PLB1: variants seen among roughly 807,000 people sequenced by gnomAD.
The protein encoded by PLB1 is phospholipase B1.
In PLB1, 242 loss-of-function variants were observed where a neutral mutation model predicts 227.4. That is an observed-to-expected ratio of 1.06 (90% CI 0.96 to 1.18). The LOEUF (loss-of-function observed/expected upper bound fraction) is 1.18. Among genes scored for constraint, PLB1 ranks in the 50% most tolerant of loss-of-function variants. The pLI, the probability that PLB1 is intolerant of heterozygous loss-of-function variation, is 0.00. For missense variants in PLB1, 1,858 were observed against 1,816.3 expected (o/e 1.02, Z -0.42); for synonymous variants, 757 against 682.2 (o/e 1.11, Z -1.71).
At chr2:28,625,823 T>C (rs532083920) in intron 50 of PLB1, among the ~76,000 whole-genome samples, 4 of 152,114 alleles carry the variant, frequency 2.6e-5, no homozygotes, top group African/African-American at 9.6e-5. Context: ...ATCCACATTC[T>C]ACTTCTCCAG....
At chr2:28,542,459 T>A (rs567592767) in intron 13 of PLB1, among the ~76,000 whole-genome samples, 1 of 152,120 alleles carries the variant, frequency 6.6e-6, no homozygotes, top group South Asian at 2.1e-4. Flanking sequence ...TCAGGGCCAT[T>A]TAGTAACATG....
Position 28,553,700 on chromosome 2 carries a change from G to C in PLB1, c.1147+709G>C, listed in dbSNP as rs148098299. Reference sequence around the variant, plus strand: ...TAGATTCCCATGCTTGGTCCTAAAGGGGGGGGACTCACGTGTCCATTTATT... The same window carrying C: ...TAGATTCCCATGCTTGGTCCTAAAGCGGGGGGACTCACGTGTCCATTTATT... On this transcript the variant is annotated intron_variant, in intron 17 of 57. Coordinates refer to ENST00000327757, the MANE Select transcript of PLB1 (RefSeq NM_153021.5). Among the ~76,000 whole-genome samples, 1,125 of 152,198 alleles carry C rather than the reference G, an allele frequency of 7.4e-3. 9 individuals carry two copies. The highest frequency in any genetic ancestry group is 0.01 in the Non-Finnish European group (705 of 68,010).
chr2:28,642,871 T>G lies in PLB1; in HGVS notation c.4187T>G (p.Leu1396Arg). ...LKCPSPESPY[L>R]YTLRNSRLLP... Reference sequence around the variant, plus strand: ...CCTCCTCCACAGGAGAGCCCTTACCTCTACACCCTGCGGAACAGCCGATTG... The same window carrying G: ...CCTCCTCCACAGGAGAGCCCTTACCGCTACACCCTGCGGAACAGCCGATTG... Residue 1396 changes from leucine to arginine, a missense_variant, in exon 58 of 58, where the codon CTC becomes CGC. By Grantham distance (102) the Leu-to-Arg change is moderately radical (BLOSUM62 -2). Coordinates refer to ENST00000327757, the MANE Select transcript of PLB1 (RefSeq NM_153021.5). 1 of 1,601,616 alleles carries G rather than the reference T, an allele frequency of 6.2e-7. No homozygotes were observed.
intron 2 of PLB1, among the ~76,000 whole-genome samples, chr2:28,518,043 T>A (rs770819823): frequency 1.3e-5 from 2 of 152,078 alleles, no homozygotes; most frequent in East Asian, 1.9e-4. Flanking sequence ...ATTTCTGTAT[T>A]TTTGTATTTC....
At chr2:28,541,951 G>A (rs544562401) in intron 13 of PLB1, 140 bp downstream of exon 13, 16 of 662,956 alleles carry the variant, frequency 2.4e-5, no homozygotes, top group Middle Eastern at 2.7e-4. Context: ...CAGCCAACAT[G>A]GTGAAACCCT....
At chr2:28,588,892 G>A (rs764512854) in intron 26 of PLB1, among the ~76,000 whole-genome samples, 2 of 152,154 alleles carry the variant, frequency 1.3e-5, no homozygotes, top group African/African-American at 2.4e-5. Flanking sequence ...CTGGCCAGGC[G>A]CGGTGGCTCG....
chr2:28,516,934 T>C (rs529119937), intron 2 of PLB1, 65 bp downstream of exon 2: 2 of 1,519,350 alleles, frequency 1.3e-6, no homozygotes, highest in East Asian at 4.5e-5. Context: ...TTCCTTGTAG[T>C]GGGTAAACCC....
At chr2:28,547,168 T>G (rs1328807613) in intron 14 of PLB1, among the ~76,000 whole-genome samples, 1 of 126,678 alleles carries the variant, frequency 7.9e-6, no homozygotes, top group African/African-American at 3.1e-5. Context: ...ACCACTGCAC[T>G]CCAATCTGAG....
chr2:28,540,414 C>A lies in PLB1; in HGVS notation c.747C>A (p.Ala249=), dbSNP rs780581164. The change falls in exon 12 of 58, where the codon GCC becomes GCA. Residue 249 remains alanine, a synonymous_variant. Transcript: ENST00000327757. ...GCTCAGAGGAGACCACCCGGCTGGC[C>A]AAGGTGGTGATGCAGTGGTCTTATC... ...CNCSEETTRL[A]KVVMQWSYQE... 1 of 1,614,052 alleles carries A rather than the reference C, an allele frequency of 6.2e-7. No individual in the cohort carries two copies. The highest frequency in any genetic ancestry group is 8.5e-7 in the Non-Finnish European group (1 of 1,180,016).
chr2:28,633,211 AT>A, intron 56 of PLB1, 172 bp downstream of exon 56: 1 of 588,062 alleles, frequency 1.7e-6, no homozygotes, highest in East Asian at 2.9e-5. Flanking sequence ...AATACCCTAT[AT>A]TTATCCAACA....
chr2:28,627,406 G>T (rs1687949795), intron 51 of PLB1, among the ~76,000 whole-genome samples: 1 of 152,186 alleles, frequency 6.6e-6, no homozygotes, highest in Non-Finnish European at 1.5e-5. Context: ...CCCTCTACTA[G>T]TCCCAGGATG....
chr2:28,547,217 GAA>G lies in PLB1; in HGVS notation c.937-1632_937-1631del, dbSNP rs753890664. Among the ~76,000 whole-genome samples, 290 of 124,660 alleles carry G rather than the reference GAA, an allele frequency of 2.3e-3. 8 individuals carry two copies. The highest frequency in any genetic ancestry group is 2.6e-3 in the African/African-American group (85 of 33,176). The allele number at this position is 124,660 out of a possible 152,430, so 81.8% of individuals were successfully genotyped here. ...ACCCTGTCTCCAAAAAAAAAAAAAA[GAA>G]AAAAAAAAAATTGGGGAAGAGAAGG... On this transcript the variant is annotated intron_variant, in intron 14 of 57. Transcript: ENST00000327757.
At position 28,540,411 on chromosome 2, in the gene PLB1, G is replaced by A; in HGVS notation, c.744G>A (p.Leu248=). 6.2e-7 allele frequency: 1 copy of A among 1,614,076 alleles called. No homozygotes were observed. The highest frequency in any genetic ancestry group is 8.5e-7 in the Non-Finnish European group (1 of 1,180,008). The change falls in exon 12 of 58, where the codon CTG becomes CTA. Residue 248 remains leucine, a synonymous_variant. Coordinates refer to ENST00000327757, the MANE Select transcript of PLB1 (RefSeq NM_153021.5). The part of the protein sequence containing the change: ...PCNCSEETTR[L]AKVVMQWSYQ... Reference sequence around the variant, plus strand: ...ATTGCTCAGAGGAGACCACCCGGCTGGCCAAGGTGGTGATGCAGTGGTCTT... The same window carrying A: ...ATTGCTCAGAGGAGACCACCCGGCTAGCCAAGGTGGTGATGCAGTGGTCTT...
chr2:28,583,917 C>G (rs1680481915), intron 25 of PLB1, among the ~76,000 whole-genome samples: 2 of 152,304 alleles, frequency 1.3e-5, no homozygotes, highest in East Asian at 1.9e-4. Context: ...GAGACCCAGC[C>G]TGTATCACAC....
chr2:28,529,304 G>T lies in PLB1; in HGVS notation c.326-13G>T, dbSNP rs1489531963. The T allele has an allele frequency of 2.5e-6, 4 of 1,589,708 alleles. No individual in the cohort carries two copies. The highest frequency in any genetic ancestry group is 4.5e-5 in the East Asian group (2 of 44,764). ...TGGTGAAGGCCAGGGCCTCAAACCA[G>T]TTCTCTCTTTAGTCCTTTCAGACAT... On this transcript the variant is annotated splice_polypyrimidine_tract_variant and intron_variant, in intron 6 of 57. Transcript: ENST00000327757.
chr2:28,500,630 C>T (rs1435916778), intron 1 of PLB1, among the ~76,000 whole-genome samples: 1 of 152,056 alleles, frequency 6.6e-6, no homozygotes, highest in South Asian at 2.1e-4. Context: ...GAACTCCCCC[C>T]TCCTTTTTGT....
At chr2:28,529,631 T>C (rs6728486) in intron 7 of PLB1, 97 bp from the exon 8 acceptor site, 1,263,551 of 1,307,724 alleles carry the variant, frequency 0.97, 611,172 homozygotes, top group East Asian at 1. Flanking sequence ...GGATAAAGCT[T>C]AGAGACTGAC....
chr2:28,575,178 TA>T (rs978091434), intron 21 of PLB1, among the ~76,000 whole-genome samples: 38 of 152,216 alleles, frequency 2.5e-4, no homozygotes, highest in African/African-American at 9.2e-4. Flanking sequence ...CAACACCTAT[TA>T]TTTTTTTGAC....
chr2:28,600,477 C>A (rs1299700348), intron 35 of PLB1, among the ~76,000 whole-genome samples: 1 of 152,182 alleles, frequency 6.6e-6, no homozygotes, highest in Non-Finnish European at 1.5e-5. Context: ...AGGATCTAAA[C>A]TAGTCTTCCA....
Sources: gnomAD v4.1 joint callset for allele counts (sites outside exome capture counted in the v4.1 genomes callset) on GRCh38, gnomAD v4.1.1 for gene constraint, MANE v1.5 for transcripts, NCBI Gene and HGNC (gene_info 2026-07-23, HGNC 2026-07-21) for gene names.